Variants in ARMH4 observed in about 807,000 individuals in gnomAD.
ARMH4 encodes armadillo like helical domain containing 4.
ARMH4 carries 49 observed loss-of-function variants against 61.9 expected under a neutral mutation model. The ratio of observed to expected loss-of-function variants is 0.79; its 90% CI spans 0.63 to 1.00. The LOEUF is 1.00. ARMH4 is among the 50% of genes least tolerant of loss of function. The probability of loss-of-function intolerance (pLI) is 0.00; values close to 1 mark genes in which losing one functional copy is unlikely to be tolerated. For missense variants in ARMH4, 934 were observed against 930.0 expected (o/e 1.00, Z -0.06); for synonymous variants, 368 against 341.5 (o/e 1.08, Z -0.85).
At chr14:58,076,429 T>C (rs1033880744) in intron 5 of ARMH4, among the ~76,000 whole-genome samples, 13 of 152,212 alleles carry the variant, frequency 8.5e-5, no homozygotes, top group African/African-American at 2.9e-4. Context: ...AAGGACTAAG[T>C]GCATTTTCAT....
chr14:58,034,267 G>T (rs1179282025), intron 5 of ARMH4, among the ~76,000 whole-genome samples: 1 of 131,304 alleles, frequency 7.6e-6, no homozygotes, highest in Admixed American at 7.4e-5. Flanking sequence ...TTAAAGAAAA[G>T]AATTTTCAAC....
chr14:58,019,398 T>C (rs1291609143), intron 5 of ARMH4, among the ~76,000 whole-genome samples: 1 of 152,178 alleles, frequency 6.6e-6, no homozygotes, highest in East Asian at 1.9e-4. Context: ...ATGATTTTTA[T>C]TTGTCAATTA....
At position 58,138,742 on chromosome 14, in the gene ARMH4, G is replaced by A; in HGVS notation, c.617C>T (p.Pro206Leu). ...TTCCTTAGTATTCACATAGGATGAA[G>A]GTGAATGTCCCAAACCAACTCCTTC... ...SQEGVGLGHSPSSYVNTKEML... is the reference protein window; with the variant it reads ...SQEGVGLGHSLSSYVNTKEML... Residue 206 changes from proline to leucine, a missense_variant, in exon 2 of 8, where the codon CCT becomes CTT. By Grantham distance (98) the Pro-to-Leu change is moderately conservative (BLOSUM62 -3). Coordinates refer to ENST00000267485, the MANE Select transcript of ARMH4 (RefSeq NM_001001872.4). The A allele has an allele frequency of 6.2e-7, 1 of 1,614,180 alleles. No homozygotes were observed. The highest frequency in any genetic ancestry group is 8.5e-7 in the Non-Finnish European group (1 of 1,180,048).
chr14:58,048,775 T>C (rs1411679229), intron 5 of ARMH4, among the ~76,000 whole-genome samples: 1 of 152,194 alleles, frequency 6.6e-6, no homozygotes, highest in Non-Finnish European at 1.5e-5. Flanking sequence ...ATAATCTCTG[T>C]GAGTGACTGA....
At chr14:58,043,539 T>C (rs984393483) in intron 5 of ARMH4, among the ~76,000 whole-genome samples, 10 of 152,158 alleles carry the variant, frequency 6.6e-5, no homozygotes, top group African/African-American at 2.4e-4. Flanking sequence ...CTTTGAAAAC[T>C]GGCACAAGAC....
chr14:58,136,734 T>C (rs1887312665), intron 2 of ARMH4, among the ~76,000 whole-genome samples: 1 of 152,170 alleles, frequency 6.6e-6, no homozygotes, highest in Non-Finnish European at 1.5e-5. Flanking sequence ...CTTCCCAATG[T>C]TGTTATCTGT....
chr14:58,135,488 T>C (rs2139969697), intron 2 of ARMH4, among the ~76,000 whole-genome samples: 1 of 152,310 alleles, frequency 6.6e-6, no homozygotes, highest in South Asian at 2.1e-4. Context: ...CTATTTGTAA[T>C]TTTATGAAAT....
At chr14:58,100,706 T>C (rs1885940088) in intron 4 of ARMH4, among the ~76,000 whole-genome samples, 1 of 152,160 alleles carries the variant, frequency 6.6e-6, no homozygotes, top group Admixed American at 6.5e-5. Flanking sequence ...CTCCTCCTCT[T>C]GGGGGTGGAT....
intron 5 of ARMH4, among the ~76,000 whole-genome samples, chr14:58,066,819 G>T (rs560011054): frequency 1.3e-5 from 2 of 152,196 alleles, no homozygotes; most frequent in Non-Finnish European, 2.9e-5. Flanking sequence ...TACACTAACC[G>T]CAAGACTTAC....
intron 4 of ARMH4, among the ~76,000 whole-genome samples, chr14:58,099,737 C>T (rs900438838): frequency 3.3e-5 from 5 of 151,922 alleles, no homozygotes; most frequent in Admixed American, 6.6e-5. Context: ...CAGATCTCAT[C>T]GAAAGGGGCA....
intron 5 of ARMH4, among the ~76,000 whole-genome samples, chr14:58,090,879 CAAAAAAA>C (rs561257563): frequency 5.1e-5 from 3 of 59,312 alleles, no homozygotes; most frequent in Non-Finnish European, 1.0e-4. Flanking sequence ...GACCCTGTCT[CAAAAAAA>C]AAAAAAAAAG....
chr14:58,005,642 A>G (rs1167774077), intron 6 of ARMH4, among the ~76,000 whole-genome samples: 1 of 152,164 alleles, frequency 6.6e-6, no homozygotes, highest in African/African-American at 2.4e-5. Context: ...GGGCCTTGAC[A>G]GTGGTGGTCC....
chr14:58,073,598 GA>G lies in ARMH4; in HGVS notation c.2089+23125del, dbSNP rs142586195. Among the ~76,000 whole-genome samples, 700 of 150,726 alleles carry G rather than the reference GA, an allele frequency of 4.6e-3. 4 individuals carry two copies. The highest frequency in any genetic ancestry group is 7.5e-3 in the Non-Finnish European group (506 of 67,600). On this transcript the variant is annotated intron_variant, in intron 5 of 7. Coordinates refer to ENST00000267485, the MANE Select transcript of ARMH4 (RefSeq NM_001001872.4). ...AGGATGGGTTTATTTACTTCACTGG[GA>G]AAAAAAAATAGTCTTCTAACCTTGC...
chr14:58,042,372 G>A (rs1427284589), intron 5 of ARMH4, among the ~76,000 whole-genome samples: 1 of 152,124 alleles, frequency 6.6e-6, no homozygotes, highest in Non-Finnish European at 1.5e-5. Flanking sequence ...CGAAATGAAG[G>A]CAGAAATAAA....
At chr14:58,044,407 G>T (rs186712457) in intron 5 of ARMH4, among the ~76,000 whole-genome samples, 1 of 152,260 alleles carries the variant, frequency 6.6e-6, no homozygotes, top group African/African-American at 2.4e-5. Flanking sequence ...AAACTGGCTA[G>T]CCATATGTAG....
chr14:58,028,659 T>C (rs4901837), intron 5 of ARMH4, among the ~76,000 whole-genome samples: 36,687 of 152,134 alleles, frequency 0.24, 4,861 homozygotes, highest in Non-Finnish European at 0.3. Context: ...GCATTATGTT[T>C]GGTCCAGTGT....
At chr14:58,134,914 G>A (rs1303160387) in intron 2 of ARMH4, among the ~76,000 whole-genome samples, 3 of 141,928 alleles carry the variant, frequency 2.1e-5, no homozygotes, top group African/African-American at 5.5e-5. Flanking sequence ...CTGAGATCAT[G>A]CCACTACACT....
At chr14:58,083,587 GCAAA>G (rs990939972) in intron 5 of ARMH4, among the ~76,000 whole-genome samples, 2 of 152,024 alleles carry the variant, frequency 1.3e-5, no homozygotes, top group Non-Finnish European at 2.9e-5. Context: ...CATCTCAAAG[GCAAA>G]CAAACAAACA....
At chr14:58,059,396 G>A (rs1336995605) in intron 5 of ARMH4, among the ~76,000 whole-genome samples, 1 of 152,220 alleles carries the variant, frequency 6.6e-6, no homozygotes, top group African/African-American at 2.4e-5. Context: ...TGATATCACT[G>A]TAGAAAGCGG....
Sources: gnomAD v4.1 joint callset for allele counts (sites outside exome capture counted in the v4.1 genomes callset) on GRCh38, gnomAD v4.1.1 for gene constraint, MANE v1.5 for transcripts, NCBI Gene and HGNC (gene_info 2026-07-23, HGNC 2026-07-21) for gene names.